The following HACD2 variants were observed in gnomAD, a reference collection of about 807,000 sequenced individuals.
HACD2 encodes 3-hydroxyacyl-CoA dehydratase 2.
A neutral mutation model predicts 31.0 loss-of-function variants in HACD2; 15 were observed. The observed-to-expected ratio is 0.48, with a 90% confidence interval of 0.32 to 0.75. The LOEUF is 0.75. HACD2 is among the 30% of genes least tolerant of loss of function. The pLI is 0.03. For missense variants in HACD2, 283 were observed against 313.0 expected, an observed-to-expected ratio of 0.90 and a Z score of 0.72; for synonymous variants, 115 against 122.2, an observed-to-expected ratio of 0.94 and a Z score of 0.39.
At chr3:123,540,040 C>T (rs1375451195) in intron 3 of HACD2, among the ~76,000 whole-genome samples, 1 of 145,834 alleles carries the variant, frequency 6.9e-6, no homozygotes, top group African/African-American at 2.5e-5. Context: ...GCCATGATCA[C>T]GCCACTGCAC....
chr3:123,534,111 G>T (rs2056397928), intron 3 of HACD2, among the ~76,000 whole-genome samples: 1 of 151,974 alleles, frequency 6.6e-6, no homozygotes. Flanking sequence ...CAGAATGAGG[G>T]TGCTCTGAGG....
chr3:123,576,159 A>G (rs1264700967), intron 2 of HACD2, among the ~76,000 whole-genome samples: 1 of 151,038 alleles, frequency 6.6e-6, no homozygotes, highest in Non-Finnish European at 1.5e-5. Flanking sequence ...GTGAGTGGAA[A>G]CTCCCGCCTT....
intron 3 of HACD2, among the ~76,000 whole-genome samples, chr3:123,540,753 G>T (rs1003731298): frequency 6.6e-6 from 1 of 152,044 alleles, no homozygotes; most frequent in Non-Finnish European, 1.5e-5. Context: ...GCACATCACA[G>T]ACAGTTTTTT....
chr3:123,555,641 G>A (rs2056665404), intron 3 of HACD2, among the ~76,000 whole-genome samples: 2 of 152,172 alleles, frequency 1.3e-5, no homozygotes, highest in African/African-American at 4.8e-5. Flanking sequence ...ATATTGTTAA[G>A]GTGTCAATTA....
intron 6 of HACD2, among the ~76,000 whole-genome samples, chr3:123,498,442 C>CAG (rs1258070239): frequency 6.6e-6 from 1 of 152,208 alleles, no homozygotes; most frequent in Non-Finnish European, 1.5e-5. Context: ...CCTGTTGGAA[C>CAG]AGAGCTGCAC....
intron 4 of HACD2, among the ~76,000 whole-genome samples, chr3:123,524,650 CATT>C (rs1435931425): frequency 6.6e-6 from 1 of 152,160 alleles, no homozygotes; most frequent in Non-Finnish European, 1.5e-5. Flanking sequence ...AAGTTAAAAA[CATT>C]ATGTTTACGT....
At chr3:123,570,371 T>C (rs2056841255) in intron 2 of HACD2, among the ~76,000 whole-genome samples, 1 of 152,050 alleles carries the variant, frequency 6.6e-6, no homozygotes, top group Non-Finnish European at 1.5e-5. Context: ...ATTATGAAAA[T>C]AAGTTTGGAT....
At position 123,494,479 on chromosome 3, in the gene HACD2, A is replaced by C. The variant is rs897665854; in HGVS notation, c.*409T>G. 4.4e-6 allele frequency: 1 copy of C among 225,230 alleles called. No individual in the cohort carries two copies. The highest frequency in any genetic ancestry group is 2.4e-5 in the African/African-American group (1 of 41,992). The allele number at this position is 225,230 out of a possible 1,614,324, so 14.0% of individuals were successfully genotyped here. A position where few individuals can be genotyped will look rare whatever the true frequency, so the allele number is the denominator to read the frequency against. ...GACAAGGGAATGCTAAACACACTGCAGACTGAAACATAACTATACTGCAAG... is the reference window on the plus strand; with the variant it reads ...GACAAGGGAATGCTAAACACACTGCCGACTGAAACATAACTATACTGCAAG... On this transcript the variant is annotated 3_prime_UTR_variant, in exon 7 of 7. Transcript: ENST00000383657.
At chr3:123,584,815 C>T in intron 1 of HACD2, 58 bp downstream of exon 1, 4 of 1,352,918 alleles carry the variant, frequency 3.0e-6, no homozygotes, top group Non-Finnish European at 3.9e-6. Flanking sequence ...CCGCCGCTGG[C>T]CGCAGGGCTC....
At chr3:123,569,766 T>C (rs1216645661) in intron 2 of HACD2, among the ~76,000 whole-genome samples, 2 of 151,962 alleles carry the variant, frequency 1.3e-5, no homozygotes, top group Non-Finnish European at 2.9e-5. Flanking sequence ...GGCAGGCGGA[T>C]GACCTGAGGT....
intron 2 of HACD2, among the ~76,000 whole-genome samples, chr3:123,573,721 G>A (rs910897993): frequency 6.6e-6 from 1 of 152,132 alleles, no homozygotes; most frequent in Non-Finnish European, 1.5e-5. Flanking sequence ...AAGCAAAAGG[G>A]TGTTGGTTAT....
rs567476403 is a variant in HACD2, at chr3:123,493,339, G to C, written c.*1549C>G. 6.6e-6 allele frequency: 1 copy of C among 152,328 alleles called. No individual in the cohort carries two copies. The highest frequency in any genetic ancestry group is 1.9e-4 in the East Asian group (1 of 5,184). The allele number at this position is 152,328 out of a possible 1,614,324, so 9.4% of individuals were successfully genotyped here. On this transcript the variant is annotated 3_prime_UTR_variant, in exon 7 of 7. Transcript: ENST00000383657. The stretch of plus-strand genomic sequence containing the variant: ...CCACTGCACTCCAGCCTGGGCAACA[G>C]AGCGAGACTCCGTCTCAAGAGAAAA...
intron 4 of HACD2, among the ~76,000 whole-genome samples, chr3:123,505,896 T>G (rs2055969392): frequency 1.3e-5 from 2 of 152,224 alleles, no homozygotes; most frequent in African/African-American, 4.8e-5. Context: ...ACCAGGCGAC[T>G]AATCACATTG....
chr3:123,499,741 G>A (rs910147257), intron 6 of HACD2: 4 of 421,468 alleles, frequency 9.5e-6, no homozygotes, highest in African/African-American at 8.2e-5. Flanking sequence ...CACTAACACT[G>A]TATGTCGTTG....
At chr3:123,567,835 G>C in intron 2 of HACD2, 55 bp from the exon 3 acceptor site, 2 of 1,200,392 alleles carry the variant, frequency 1.7e-6, no homozygotes, top group Non-Finnish European at 2.3e-6. Context: ...AGATATTAAA[G>C]TTTTATTTCA....
At chr3:123,556,595 G>A (rs537479364) in intron 3 of HACD2, among the ~76,000 whole-genome samples, 8 of 152,206 alleles carry the variant, frequency 5.3e-5, no homozygotes, top group African/African-American at 1.9e-4. Context: ...ATCCATGAAA[G>A]GGAAAACTGG....
At chr3:123,562,819 T>A (rs2056748614) in intron 3 of HACD2, among the ~76,000 whole-genome samples, 1 of 152,194 alleles carries the variant, frequency 6.6e-6, no homozygotes, top group African/African-American at 2.4e-5. Flanking sequence ...GGCTTTAAAA[T>A]AAGTTTCTGA....
intron 2 of HACD2, among the ~76,000 whole-genome samples, chr3:123,577,265 C>G (rs2056917137): frequency 6.6e-6 from 1 of 152,154 alleles, no homozygotes; most frequent in Non-Finnish European, 1.5e-5. Context: ...CTTTGCAGAG[C>G]AATCTTTAAC....
chr3:123,568,911 T>C (rs916818539), intron 2 of HACD2, among the ~76,000 whole-genome samples: 1 of 152,204 alleles, frequency 6.6e-6, no homozygotes, highest in Non-Finnish European at 1.5e-5. Context: ...CCCAGGGCAG[T>C]AAATGATGGT....
Sources: allele counts gnomAD v4.1 joint callset (sites outside exome capture counted in the v4.1 genomes callset), GRCh38; gene constraint gnomAD v4.1.1; transcripts MANE v1.5; gene names NCBI Gene and HGNC (gene_info 2026-07-23, HGNC 2026-07-21).